EPHX1: variants seen among roughly 807,000 people sequenced by gnomAD.
EPHX1 encodes epoxide hydratase.
EPHX1 carries 40 observed loss-of-function variants against 43.2 expected under a neutral mutation model. The observed-to-expected ratio is 0.93, with a 90% CI of 0.72 to 1.21. The LOEUF (loss-of-function observed/expected upper bound fraction) is 1.21. Ranked by LOEUF, EPHX1 falls within the 50% of genes most tolerant of loss-of-function variation. EPHX1 has a pLI of 0.00. For synonymous variants in EPHX1, 221 were observed against 226.7 expected, an observed-to-expected ratio of 0.98 and a Z score of 0.22; for missense variants, 550 against 570.4, an observed-to-expected ratio of 0.96 and a Z score of 0.36.
chr1:225,821,044 A>T (rs1046712746), intron 1 of EPHX1, among the ~76,000 whole-genome samples: 1 of 152,174 alleles, frequency 6.6e-6, no homozygotes, highest in Non-Finnish European at 1.5e-5. Context: ...TTAAAAAACA[A>T]ATAACTTCTT....
At chr1:225,844,205 T>G (rs1325017270) in intron 7 of EPHX1, among the ~76,000 whole-genome samples, 1 of 150,310 alleles carries the variant, frequency 6.7e-6, no homozygotes. Context: ...GTGCAGGGGT[T>G]GAGGGGAGGG....
At chr1:225,832,480 A>G (rs954672364) in intron 3 of EPHX1, among the ~76,000 whole-genome samples, 2 of 152,244 alleles carry the variant, frequency 1.3e-5, no homozygotes, top group Non-Finnish European at 2.9e-5. Flanking sequence ...GGTTGCAGTG[A>G]GCCAAGATCG....
rs536391383 is a variant in EPHX1, at chr1:225,842,273, G to A, written c.932-93G>A. 132 of 960,218 alleles carry A rather than the reference G, an allele frequency of 1.4e-4. No homozygotes were observed. In the East Asian group the frequency reaches 2.5e-3, roughly 18 times the overall value. The allele number at this position is 960,218 out of a possible 1,614,324, so 59.5% of individuals were successfully genotyped here. On this transcript the variant is annotated intron_variant, in intron 6 of 8. Transcript: ENST00000272167. ...AACGTGGCTTCCTGCACACAGCCCC[G>A]CCCTCTGCGGCCAGTGCCACACATC... is the stretch of plus-strand genomic sequence containing the variant.
intron 1 of EPHX1, among the ~76,000 whole-genome samples, chr1:225,823,977 GC>G (rs1341475556): frequency 1.3e-5 from 2 of 152,164 alleles, no homozygotes; most frequent in African/African-American, 4.8e-5. Context: ...GAGCCCAGAG[GC>G]CTGAGGACAG....
At chr1:225,834,088 A>T in intron 3 of EPHX1, among the ~76,000 whole-genome samples, 1 of 101,616 alleles carries the variant, frequency 9.8e-6, no homozygotes, top group African/African-American at 4.2e-5. Context: ...ACAGGGCAAG[A>T]CTCTGTCTCA....
chr1:225,810,987 A>G (rs1666452438), intron 1 of EPHX1, among the ~76,000 whole-genome samples: 1 of 152,112 alleles, frequency 6.6e-6, no homozygotes, highest in Admixed American at 6.5e-5. Context: ...GACACTGATC[A>G]CACCTTTTAG....
intron 1 of EPHX1, among the ~76,000 whole-genome samples, chr1:225,811,347 C>T (rs1244993649): frequency 6.6e-6 from 1 of 152,166 alleles, no homozygotes; most frequent in African/African-American, 2.4e-5. Context: ...GCCCACCTCC[C>T]ATTGTTTAAA....
intron 3 of EPHX1, among the ~76,000 whole-genome samples, chr1:225,837,621 G>A (rs1486950723): frequency 1.3e-5 from 2 of 152,154 alleles, no homozygotes; most frequent in African/African-American, 4.8e-5. Flanking sequence ...AGGTTCAAGC[G>A]ATTCTCTTGC....
chr1:225,826,856 G>A (rs1468999236), intron 1 of EPHX1, among the ~76,000 whole-genome samples: 1 of 152,084 alleles, frequency 6.6e-6, no homozygotes, highest in Non-Finnish European at 1.5e-5. Context: ...ACTTGGTGAT[G>A]GGCTGTGGGG....
At chr1:225,818,148 A>G (rs1241350289) in intron 1 of EPHX1, among the ~76,000 whole-genome samples, 2 of 152,184 alleles carry the variant, frequency 1.3e-5, no homozygotes, top group Non-Finnish European at 2.9e-5. Context: ...AACTAGGCTA[A>G]GTAGGTTATA....
intron 1 of EPHX1, among the ~76,000 whole-genome samples, chr1:225,813,467 C>T (rs919035682): frequency 1.3e-5 from 2 of 152,212 alleles, no homozygotes; most frequent in Admixed American, 1.3e-4. Context: ...TCCAGCCACA[C>T]CCCTCTCCTG....
At chr1:225,831,470 C>G (rs941350881) in intron 2 of EPHX1, among the ~76,000 whole-genome samples, 1 of 151,732 alleles carries the variant, frequency 6.6e-6, no homozygotes, top group Non-Finnish European at 1.5e-5. Flanking sequence ...TGGCTTGAAC[C>G]TGGGAGGTGG....
intron 1 of EPHX1, among the ~76,000 whole-genome samples, chr1:225,823,247 A>G (rs1256914040): frequency 6.6e-6 from 1 of 151,020 alleles, no homozygotes; most frequent in African/African-American, 2.4e-5. Context: ...GCCCAGGCTG[A>G]TATTGAATTC....
In EPHX1 at chr1:225,838,742, C is replaced by G. The variant is rs147296174; in HGVS notation, c.453C>G (p.Pro151=). The G allele has an allele frequency of 6.2e-7, 1 of 1,614,078 alleles. No individual in the cohort carries two copies. Among genetic ancestry groups the G allele is most frequent in the South Asian group, 1.1e-5 (1 of 91,084 alleles). ...PKPLLMVHGW[P]GSFYEFYKII... is the part of the protein sequence containing the mutation. ...CCTTGCTGATGGTGCACGGCTGGCC[C>G]GGCTCTTTCTACGAGTTTTATAAGA... is the stretch of plus-strand genomic sequence containing the variant. Residue 151 remains proline, a synonymous_variant, in exon 4 of 9, where the codon CCC becomes CCG. Coordinates refer to ENST00000272167, the MANE Select transcript of EPHX1 (RefSeq NM_001136018.4).
Position 225,845,432 on chromosome 1 carries a change from T to A in EPHX1, c.*85T>A. On this transcript the variant is annotated 3_prime_UTR_variant, in exon 9 of 9. Transcript: ENST00000272167. Reference sequence around the variant, plus strand: ...GGGAAGATACCCCTTTTCTGAGGAATGAGTTTGCCTCCGTCCCCTGCCCAT... The same window carrying A: ...GGGAAGATACCCCTTTTCTGAGGAAAGAGTTTGCCTCCGTCCCCTGCCCAT... 2 of 1,426,552 alleles carry A rather than the reference T, an allele frequency of 1.4e-6. No individual in the cohort carries two copies. Among genetic ancestry groups the A allele is most frequent in the Non-Finnish European group, 1.9e-6 (2 of 1,056,488 alleles). 88.4% of individuals were successfully genotyped at this position (1,426,552 alleles called of 1,614,324 possible).
rs1043080415 is a variant in EPHX1 at position 225,838,654 on chromosome 1, G to C, written c.365G>C (p.Gly122Ala). 6.2e-7 allele frequency: 1 copy of C among 1,613,586 alleles called. No individual in the cohort carries two copies. Among genetic ancestry groups the C allele is most frequent in the Non-Finnish European group, 8.5e-7 (1 of 1,179,720 alleles). ...CCCTGACTGTGCTCTGTCCCCCCAG[G>C]GCTGGACATCCACTTCATCCACGTG... Reference protein sequence around the residue: ...RYPHFKTKIEGLDIHFIHVKP... With the variant: ...RYPHFKTKIEALDIHFIHVKP... The change falls in exon 4 of 9, where the codon GGG becomes GCG. Residue 122 changes from glycine to alanine, a missense_variant and splice_region_variant. Coordinates refer to ENST00000272167, the MANE Select transcript of EPHX1 (RefSeq NM_001136018.4).
chr1:225,811,028 C>G (rs978498553), intron 1 of EPHX1, among the ~76,000 whole-genome samples: 7 of 152,196 alleles, frequency 4.6e-5, no homozygotes, highest in Admixed American at 3.9e-4. Context: ...CATCTGCTGC[C>G]GCAGCCGCCG....
chr1:225,817,462 C>T lies in EPHX1; in HGVS notation c.-6+7293C>T, dbSNP rs759320298. Among the ~76,000 whole-genome samples the T allele has an allele frequency of 1.3e-5, 2 of 152,186 alleles. No individual in the cohort carries two copies. Among genetic ancestry groups the T allele is most frequent in the African/African-American group, 4.8e-5 (2 of 41,450 alleles). On this transcript the variant is annotated intron_variant, in intron 1 of 8. Coordinates refer to ENST00000272167, the MANE Select transcript of EPHX1 (RefSeq NM_001136018.4). The surrounding 1 kb of genome is among the most constrained non-coding windows in gnomAD (Gnocchi z 5.7). ...TTCCCTTTCCACTGGATGTTCCCTT[C>T]GCCTTCCCCAGGGAGGAGTGATGAG...
intron 3 of EPHX1, among the ~76,000 whole-genome samples, chr1:225,834,115 A>G (rs1329617809): frequency 1.4e-5 from 2 of 144,084 alleles, no homozygotes; most frequent in Non-Finnish European, 3.0e-5. Context: ...AAAAAAAGAA[A>G]AAAAAAAAAA....
Sources: gnomAD v4.1 joint callset for allele counts (sites outside exome capture counted in the v4.1 genomes callset) on GRCh38, gnomAD v4.1.1 for gene constraint, Gnocchi (gnomAD v3.1) non-coding constraint, MANE v1.5 for transcripts, NCBI Gene and HGNC (gene_info 2026-07-23, HGNC 2026-07-21) for gene names.